Variants in PTPDC1 observed in about 807,000 individuals in gnomAD.
PTPDC1 encodes the protein protein tyrosine phosphatase domain-containing protein 1.
In PTPDC1, 53 loss-of-function variants were observed where a neutral mutation model predicts 75.3. The ratio of observed to expected loss-of-function variants is 0.70; its 90% confidence interval spans 0.56 to 0.88. PTPDC1 has a LOEUF of 0.88. Ranked by LOEUF, PTPDC1 falls within the 40% of genes least tolerant of loss-of-function variation. PTPDC1 has a pLI of 0.00. For synonymous variants in PTPDC1, 349 were observed against 366.2 expected (o/e 0.95, Z 0.54); for missense variants, 925 against 998.6 (o/e 0.93, Z 0.99).
chr9:94,057,267 A>G (rs1403345804), intron 1 of PTPDC1, among the ~76,000 whole-genome samples: 1 of 151,790 alleles, frequency 6.6e-6, no homozygotes, highest in Non-Finnish European at 1.5e-5. Context: ...ATTTGTTTGT[A>G]GAGACAGGGT....
At chr9:94,100,473 A>G (rs1827798788) in intron 6 of PTPDC1, 1 of 152,222 alleles carries the variant, frequency 6.6e-6, no homozygotes, top group South Asian at 2.1e-4. Flanking sequence ...TCATAAGATA[A>G]TAAAGAGAAG....
rs1041598668 is a variant in PTPDC1, at chr9:94,109,170, C to T, written c.*1226C>T. On this transcript the variant is annotated 3_prime_UTR_variant, in exon 9 of 9. Transcript: ENST00000620992. ...TGAACCATCAATTATCAGTTGAAGC[C>T]ATACTTTTATTTAAATTAATATACG... The T allele has an allele frequency of 2.0e-5, 3 of 152,078 alleles. No homozygotes were observed. Among genetic ancestry groups the T allele is most frequent in the Non-Finnish European group, 2.9e-5 (2 of 68,006 alleles). 9.4% of individuals were successfully genotyped at this position (152,078 alleles called of 1,614,324 possible).
chr9:94,084,375 G>A, upstream of PTPDC1: 1 of 1,219,404 alleles, frequency 8.2e-7, no homozygotes, highest in Non-Finnish European at 1.1e-6. Flanking sequence ...GTGGGAATCA[G>A]TAGTTTCTTT....
chr9:94,066,877 A>T (rs1334727831), intron 2 of PTPDC1, among the ~76,000 whole-genome samples: 1 of 152,196 alleles, frequency 6.6e-6, no homozygotes, highest in Non-Finnish European at 1.5e-5. Flanking sequence ...TTAAAAAATA[A>T]AAAATAAAAA....
upstream of PTPDC1, among the ~76,000 whole-genome samples, chr9:94,081,249 C>T (rs569423505): frequency 4.2e-4 from 64 of 152,136 alleles, no homozygotes; most frequent in Non-Finnish European, 7.8e-4. Context: ...CTCAGCCTCC[C>T]AAAGTGCTGG....
At chr9:94,089,070 TA>T (rs1827182390) in intron 4 of PTPDC1, among the ~76,000 whole-genome samples, 1 of 150,344 alleles carries the variant, frequency 6.7e-6, no homozygotes, top group Non-Finnish European at 1.5e-5. Context: ...ATTTTTATTT[TA>T]TTTTTTTTTA....
At chr9:94,056,861 G>C (rs1244739270) in intron 1 of PTPDC1, among the ~76,000 whole-genome samples, 1 of 152,170 alleles carries the variant, frequency 6.6e-6, no homozygotes, top group Non-Finnish European at 1.5e-5. Context: ...ATTATAAACA[G>C]TTGAGTCATT....
intron 4 of PTPDC1, among the ~76,000 whole-genome samples, chr9:94,090,228 CT>C (rs1827262191): frequency 1.1e-5 from 1 of 92,616 alleles, no homozygotes; most frequent in Admixed American, 1.3e-4. Flanking sequence ...ACGTTTAAGT[CT>C]TTAATCCATC....
intron 1 of PTPDC1, among the ~76,000 whole-genome samples, chr9:94,062,701 C>T (rs527291195): frequency 6.6e-6 from 1 of 152,246 alleles, no homozygotes; most frequent in East Asian, 1.9e-4. Flanking sequence ...GGAGATGATG[C>T]AAAACCATTC....
At chr9:94,067,888 T>G (rs1415031928) in intron 2 of PTPDC1, among the ~76,000 whole-genome samples, 1 of 152,212 alleles carries the variant, frequency 6.6e-6, no homozygotes, top group African/African-American at 2.4e-5. Flanking sequence ...AGGCGTGAGC[T>G]ACCGTGCCCG....
intron 1 of PTPDC1, among the ~76,000 whole-genome samples, chr9:94,037,005 T>C (rs182609620): frequency 2.0e-5 from 3 of 152,354 alleles, no homozygotes; most frequent in Admixed American, 2.0e-4. Flanking sequence ...CCAGGCATTG[T>C]AATGGTTTAA....
rs574247168 is a variant in PTPDC1, at chr9:94,055,989, C to T, written c.-6-8745C>T. On this transcript the variant is annotated intron_variant, in intron 1 of 9. Coordinates refer to the PTPDC1 transcript ENST00000375360. ...ACTTTGGGTGATAATTATGTGTCAG[C>T]GTAAGTTGATTATAACAAACTTACC... is the stretch of plus-strand genomic sequence containing the variant. Among the ~76,000 whole-genome samples the T allele has an allele frequency of 1.2e-4, 19 of 152,150 alleles. No individual in the cohort carries two copies. In the South Asian group the frequency reaches 3.5e-3, roughly 28 times the overall value.
intron 4 of PTPDC1, among the ~76,000 whole-genome samples, chr9:94,092,144 C>A (rs566459704): frequency 8.6e-5 from 13 of 151,632 alleles, no homozygotes; most frequent in Non-Finnish European, 1.6e-4. Context: ...TGTGTTTGCT[C>A]CTGCTTTTCT....
intron 1 of PTPDC1, among the ~76,000 whole-genome samples, chr9:94,045,227 T>C (rs1283224215): frequency 1.3e-5 from 2 of 152,166 alleles, no homozygotes; most frequent in Admixed American, 6.5e-5. Flanking sequence ...TCACATTTTC[T>C]TAATCCAGTC....
intron 6 of PTPDC1, chr9:94,100,735 A>G (rs1827807346): frequency 6.6e-6 from 1 of 150,680 alleles, no homozygotes; most frequent in South Asian, 2.1e-4. Flanking sequence ...GGGTAGGTGA[A>G]TGAATGAGTG....
chr9:94,036,028 TTTTTTTG>T (rs1333236055), intron 1 of PTPDC1, among the ~76,000 whole-genome samples: 2 of 143,738 alleles, frequency 1.4e-5, no homozygotes, highest in African/African-American at 2.7e-5. Flanking sequence ...TATTTGTTTT[TTTTTTTG>T]TTTTTTTTTT....
Position 94,104,326 on chromosome 9 carries a change from A to T in PTPDC1, c.2251A>T (p.Thr751Ser). ...CVLHCIVNLQTIPVDVEEAFL... is the reference protein window; with the variant it reads ...CVLHCIVNLQSIPVDVEEAFL... ...GTTGCACTGCATAGTGAACCTGCAG[A>T]CAATTCCCGTGGATGTGGAGGAAGC... is the stretch of plus-strand genomic sequence containing the variant. The change falls in exon 8 of 9, where the codon ACA (threonine) becomes TCA (serine). Residue 751 changes from threonine (T) to serine (S), a missense_variant. Thr to Ser is a moderately conservative substitution (Grantham distance 58, BLOSUM62 1). Coordinates refer to ENST00000620992, the MANE Select transcript of PTPDC1 (RefSeq NM_001253829.2). The T allele has an allele frequency of 1.2e-6, 2 of 1,613,960 alleles. No homozygotes were observed. Among genetic ancestry groups the T allele is most frequent in the African/African-American group, 1.3e-5 (1 of 75,064 alleles).
At chr9:94,035,683 G>A (rs561129096) in intron 1 of PTPDC1, among the ~76,000 whole-genome samples, 1 of 152,282 alleles carries the variant, frequency 6.6e-6, no homozygotes, top group African/African-American at 2.4e-5. Flanking sequence ...AATCTTTTGG[G>A]TAAATACCCA....
intron 2 of PTPDC1, among the ~76,000 whole-genome samples, chr9:94,086,143 C>G (rs1827066057): frequency 6.6e-6 from 1 of 152,144 alleles, no homozygotes; most frequent in Non-Finnish European, 1.5e-5. Context: ...TATTTGTCAA[C>G]TGGCTTATCC....
Sources: gnomAD v4.1 joint callset for allele counts (sites outside exome capture counted in the v4.1 genomes callset) on GRCh38, gnomAD v4.1.1 for gene constraint, MANE v1.5 for transcripts, NCBI Gene and HGNC (gene_info 2026-07-23, HGNC 2026-07-21) for gene names.